Variants in KNSTRN observed in about 807,000 individuals in gnomAD.
KNSTRN encodes the protein kinetochore localized astrin (SPAG5) binding protein.
Under a neutral mutation model 44.7 loss-of-function variants are expected in KNSTRN, and 38 were observed. The observed-to-expected ratio is 0.85, with a 90% CI of 0.66 to 1.11. The LOEUF (loss-of-function observed/expected upper bound fraction) is 1.11. Ranked by LOEUF, KNSTRN falls within the 50% of genes most tolerant of loss-of-function variation. The probability of loss-of-function intolerance (pLI) is 0.00; values close to 1 mark genes in which losing one functional copy is unlikely to be tolerated. For missense variants in KNSTRN, 406 were observed against 375.8 expected (o/e 1.08, Z -0.66); for synonymous variants, 158 against 148.1 (o/e 1.07, Z -0.48).
At chr15:40,389,168 G>A (rs993823142) in intron 4 of KNSTRN, 10 of 458,908 alleles carry the variant, frequency 2.2e-5, no homozygotes, top group Admixed American at 4.7e-5. Context: ...TTTTTTAGAC[G>A]GAGTTTTGCT....
Position 40,394,195 on chromosome 15 carries a change from A to C in KNSTRN, c.*598A>C, listed in dbSNP as rs974291795. 2 of 152,170 alleles carry C rather than the reference A, an allele frequency of 1.3e-5. No individual in the cohort carries two copies. Among genetic ancestry groups the C allele is most frequent in the African/African-American group, 4.8e-5 (2 of 41,424 alleles). The allele number at this position is 152,170 out of a possible 1,614,324, so 9.4% of individuals were successfully genotyped here. ...AATACACCTTGGATCTTTTAATCTA[A>C]ATTACTTTTCTTTTTTAAGTCTACT... On this transcript the variant is annotated 3_prime_UTR_variant, in exon 9 of 9. Coordinates refer to ENST00000249776, the MANE Select transcript of KNSTRN (RefSeq NM_033286.4).
chr15:40,383,897 TG>T (rs1268259180), intron 2 of KNSTRN: 1 of 153,858 alleles, frequency 6.5e-6, no homozygotes, highest in Non-Finnish European at 1.4e-5. Flanking sequence ...TGCTTTGTGT[TG>T]CTTTGCTTGT....
intron 2 of KNSTRN, chr15:40,384,609 A>G: frequency 5.3e-6 from 2 of 380,242 alleles, no homozygotes; most frequent in Non-Finnish European, 1.1e-5. Flanking sequence ...GGAAGTGTTC[A>G]TCTCTTTGAT....
Position 40,389,853 on chromosome 15 carries a change from G to T in KNSTRN, c.609G>T (p.Leu203=). 1 of 1,614,186 alleles carries T rather than the reference G, an allele frequency of 6.2e-7. No homozygotes were observed. The highest frequency in any genetic ancestry group is 1.1e-5 in the South Asian group (1 of 91,066). Residue 203 remains leucine, a synonymous_variant, in exon 6 of 9, where the codon CTG becomes CTT. Transcript: ENST00000249776. ...TCCAATAGGGAGAGCTGAAGGACCT[G>T]ACCCAGAAGGTAGAGCTGCTGGAGA... ...LTETQGELKD[L]TQKVELLEKF... is the part of the protein sequence containing the mutation.
chr15:40,386,316 G>C, intron 2 of KNSTRN, 46 bp from the exon 3 acceptor site: 2 of 1,594,548 alleles, frequency 1.3e-6, no homozygotes, highest in Admixed American at 1.8e-5. Flanking sequence ...GGTTGCAACT[G>C]TCGGGTCATG....
chr15:40,393,144 A>G (rs1890030388), intron 8 of KNSTRN: 1 of 1,596,432 alleles, frequency 6.3e-7, no homozygotes. Context: ...TGATAACTCA[A>G]GGAGAAGACC....
intron 3 of KNSTRN, chr15:40,386,805 T>C (rs1889910791): frequency 4.0e-6 from 2 of 503,698 alleles, no homozygotes; most frequent in Non-Finnish European, 3.6e-6. Flanking sequence ...CTAGTTGTTA[T>C]CCTAGGTTGC....
chr15:40,388,049 A>G (rs1889931313), intron 4 of KNSTRN, among the ~76,000 whole-genome samples: 1 of 152,190 alleles, frequency 6.6e-6, no homozygotes, highest in African/African-American at 2.4e-5. Context: ...CTAGCAAAAA[A>G]GACTGAGAAC....
At position 40,394,020 on chromosome 15, in the gene KNSTRN, G is replaced by C. The variant is rs545390461; in HGVS notation, c.*423G>C. On this transcript the variant is annotated 3_prime_UTR_variant, in exon 9 of 9. Coordinates refer to ENST00000249776, the MANE Select transcript of KNSTRN (RefSeq NM_033286.4). ...ATACAAGACATCATTGAGGAGCCAT[G>C]CTGTCCCCTTCTAACCTGAAACACA... is the stretch of plus-strand genomic sequence containing the variant. The C allele has an allele frequency of 6.4e-6, 1 of 156,380 alleles. No homozygotes were observed. Among genetic ancestry groups the C allele is most frequent in the Admixed American group, 6.4e-5 (1 of 15,748 alleles). The allele number at this position is 156,380 out of a possible 1,614,324, so 9.7% of individuals were successfully genotyped here. A position where few individuals can be genotyped will look rare whatever the true frequency, so the allele number is the denominator to read the frequency against.
chr15:40,384,598 TG>T (rs1889873093), intron 2 of KNSTRN: 1 of 414,408 alleles, frequency 2.4e-6, no homozygotes, highest in Admixed American at 2.8e-5. Flanking sequence ...TCAGCCAAGT[TG>T]GAAGTGTTCA....
At chr15:40,391,131 C>G (rs983590939) in intron 6 of KNSTRN, among the ~76,000 whole-genome samples, 1 of 151,748 alleles carries the variant, frequency 6.6e-6, no homozygotes, top group Non-Finnish European at 1.5e-5. Context: ...GTGATATTAC[C>G]GAAAGTAATA....
chr15:40,393,417 G>T, intron 8 of KNSTRN, 52 bp from the exon 9 acceptor site: 1 of 1,600,330 alleles, frequency 6.2e-7, no homozygotes. Context: ...TTTCCTGTTA[G>T]TCAAGAGTTT....
chr15:40,392,774 C>T (rs1890022539), intron 8 of KNSTRN, among the ~76,000 whole-genome samples: 1 of 152,042 alleles, frequency 6.6e-6, no homozygotes. Flanking sequence ...CCATGACCGG[C>T]TAATTTTTAT....
chr15:40,386,701 G>C, intron 3 of KNSTRN: 1 of 583,798 alleles, frequency 1.7e-6, no homozygotes, highest in Non-Finnish European at 3.0e-6. Flanking sequence ...GTTATAAGAG[G>C]TGTTCTTTCC....
chr15:40,385,192 G>A (rs1196112149), intron 2 of KNSTRN, among the ~76,000 whole-genome samples: 1 of 152,204 alleles, frequency 6.6e-6, no homozygotes, highest in Non-Finnish European at 1.5e-5. Context: ...CAAAGTGAGA[G>A]TAAGTCCAGA....
intron 6 of KNSTRN, 45 bp from the exon 7 acceptor site, chr15:40,391,448 G>T (rs368092703): frequency 6.8e-7 from 1 of 1,477,000 alleles, no homozygotes; most frequent in African/African-American, 1.4e-5. Context: ...TTTTGTTTAG[G>T]GTGTGTAGTT....
At chr15:40,389,182 G>A (rs1416652528) in intron 4 of KNSTRN, 2 of 464,582 alleles carry the variant, frequency 4.3e-6, no homozygotes, top group East Asian at 1.3e-4. Flanking sequence ...TTTTGCTCTT[G>A]TTGCCACCCA....
intron 4 of KNSTRN, 91 bp downstream of exon 4, chr15:40,387,297 T>G (rs1595738591): frequency 1.8e-6 from 2 of 1,091,214 alleles, no homozygotes; most frequent in Non-Finnish European, 2.8e-6. Context: ...TGGGACTTGT[T>G]TACTGTGTTA....
intron 3 of KNSTRN, 107 bp from the exon 4 acceptor site, chr15:40,387,052 A>G: frequency 4.9e-6 from 4 of 812,370 alleles, no homozygotes; most frequent in Non-Finnish European, 8.5e-6. Context: ...TTTGCCTTTT[A>G]TGTCTGGTTC....
Sources: allele counts gnomAD v4.1 joint callset (sites outside exome capture counted in the v4.1 genomes callset), GRCh38; gene constraint gnomAD v4.1.1; transcripts MANE v1.5; gene names NCBI Gene and HGNC (gene_info 2026-07-23, HGNC 2026-07-21).